Variants in CISTR observed in about 807,000 individuals in gnomAD.
The protein encoded by CISTR is chondrogenesis-associated transcript, also known as chondrogenic regulator lncRNA.
In CISTR at chr12:53,756,310, C is replaced by A. The variant is rs575097481; in HGVS notation, n.414+504G>T. 7.2e-5 allele frequency among the ~76,000 whole-genome samples: 11 copies of A among 152,136 alleles called. No homozygotes were observed. The highest frequency in any genetic ancestry group is 1.5e-4 in the Non-Finnish European group (10 of 68,016). ...GGAACTCCTTACAATCTCCCTCTTA[C>A]CTCCCCAAAGTAAGAGAACGGAGTA... On this transcript the variant is annotated intron_variant and non_coding_transcript_variant, in intron 1 of 2. Transcript: ENST00000669269. This position sits in a 1 kb window ranked among gnomAD's most constrained non-coding sequence, Gnocchi z 4.0.
exon 3 of CISTR, among the ~76,000 whole-genome samples, chr12:53,746,421 C>T (rs1448286374): frequency 6.6e-6 from 1 of 152,098 alleles, no homozygotes; most frequent in Non-Finnish European, 1.5e-5. Context: ...ACCAAGAAGT[C>T]GTGGGTTCTA....
chr12:53,746,539 G>A (rs1288851382), exon 3 of CISTR, among the ~76,000 whole-genome samples: 2 of 152,178 alleles, frequency 1.3e-5, no homozygotes, highest in Non-Finnish European at 2.9e-5. Flanking sequence ...TGTGCCAGCA[G>A]CCCCAGTGCT....
rs1040135855 is a variant in CISTR at position 53,756,454 on chromosome 12, G to A, written n.414+360C>T. 6.6e-6 allele frequency among the ~76,000 whole-genome samples: 1 copy of A among 152,174 alleles called. No individual in the cohort carries two copies. The highest frequency in any genetic ancestry group is 2.4e-5 in the African/African-American group (1 of 41,432). ...TATTTTAAATAGAGATGGGGGTCTT[G>A]CTATGTTGCTCAGGCTAGGCCTTGA... On this transcript the variant is annotated intron_variant and non_coding_transcript_variant, in intron 1 of 2. Coordinates refer to ENST00000669269, the Ensembl canonical transcript of CISTR. The surrounding 1 kb of genome is among the most constrained non-coding windows in gnomAD (Gnocchi z 4.0).
chr12:53,755,777 G>C (rs1487475515), intron 1 of CISTR: 1 of 152,390 alleles, frequency 6.6e-6, no homozygotes, highest in Non-Finnish European at 1.5e-5. Flanking sequence ...GGCCTCAGGT[G>C]GCGCTATAAA....
chr12:53,749,785 A>G (rs1464946475), intron 2 of CISTR, among the ~76,000 whole-genome samples: 3 of 152,174 alleles, frequency 2.0e-5, no homozygotes, highest in Non-Finnish European at 4.4e-5. Flanking sequence ...CCTAAGTGTT[A>G]GCAATCAAGG....
chr12:53,753,400 T>C (rs1452972358), intron 1 of CISTR, among the ~76,000 whole-genome samples: 2 of 151,358 alleles, frequency 1.3e-5, no homozygotes, highest in Non-Finnish European at 2.9e-5. Context: ...ATCAGTTGAG[T>C]TGGTCAGGAG....
At chr12:53,750,135 T>C (rs1394176308) in intron 2 of CISTR, among the ~76,000 whole-genome samples, 1 of 152,140 alleles carries the variant, frequency 6.6e-6, no homozygotes, top group Non-Finnish European at 1.5e-5. Flanking sequence ...TGTTTATAGG[T>C]GCAAAGTTAC....
intron 1 of CISTR, among the ~76,000 whole-genome samples, chr12:53,755,163 C>T (rs1937901047): frequency 6.6e-6 from 1 of 152,228 alleles, no homozygotes; most frequent in Non-Finnish European, 1.5e-5. Context: ...AATCATCTTC[C>T]TTCTGGAGTG....
At position 53,756,726 on chromosome 12, in the gene CISTR, A is replaced by ATGTGTGTGTGTCTG. The variant is rs1555168532; in HGVS notation, n.414+87_414+88insCAGACACACACACA. 2 of 132,302 alleles carry ATGTGTGTGTGTCTG rather than the reference A, an allele frequency of 1.5e-5. No individual in the cohort carries two copies. The highest frequency in any genetic ancestry group is 3.1e-5 in the Non-Finnish European group (2 of 63,646). The allele number at this position is 132,302 out of a possible 1,614,324, so 8.2% of individuals were successfully genotyped here. ...AGTCAGAGTGGGCTGTGGGTCAGTG[A>ATGTGTGTGTGTCTG]TGTGTGTGTGTGTGTGTGTGTGTGT... On this transcript the variant is annotated intron_variant and non_coding_transcript_variant, in intron 1 of 2. Transcript: ENST00000669269. This position sits in a 1 kb window ranked among gnomAD's most constrained non-coding sequence, Gnocchi z 4.0.
chr12:53,755,251 G>A (rs1221619726), intron 1 of CISTR, among the ~76,000 whole-genome samples: 1 of 151,944 alleles, frequency 6.6e-6, no homozygotes, highest in East Asian at 1.9e-4. Flanking sequence ...TCACCTGGAG[G>A]CCAATCCCCT....
At chr12:53,747,576 C>T (rs1286617950) in intron 2 of CISTR, among the ~76,000 whole-genome samples, 3 of 152,072 alleles carry the variant, frequency 2.0e-5, no homozygotes, top group Non-Finnish European at 2.9e-5. Context: ...GGATGCTTGG[C>T]AGGTGTAGCT....
chr12:53,747,740 G>C (rs1298084345), intron 2 of CISTR, among the ~76,000 whole-genome samples: 1 of 152,136 alleles, frequency 6.6e-6, no homozygotes, highest in Non-Finnish European at 1.5e-5. Context: ...ACTATGTACA[G>C]GGTAGGTCTA....
At chr12:53,755,047 G>C (rs1937900440) in intron 1 of CISTR, among the ~76,000 whole-genome samples, 1 of 152,238 alleles carries the variant, frequency 6.6e-6, no homozygotes, top group Non-Finnish European at 1.5e-5. Flanking sequence ...AGATAAAACA[G>C]GAGAGGGAGG....
intron 1 of CISTR, chr12:53,750,975 G>C (rs1259868548): frequency 6.6e-6 from 1 of 152,514 alleles, no homozygotes; most frequent in Non-Finnish European, 1.5e-5. Flanking sequence ...GCTACGGCGG[G>C]AGAAACAAGA....
intron 1 of CISTR, among the ~76,000 whole-genome samples, chr12:53,754,932 A>T (rs1212062620): frequency 1.3e-5 from 2 of 152,218 alleles, no homozygotes; most frequent in Admixed American, 1.3e-4. Flanking sequence ...CTCACATCCC[A>T]GAGAGCAAGA....
At position 53,756,233 on chromosome 12, in the gene CISTR, T is replaced by G. The variant is rs747914915; in HGVS notation, n.414+581A>C. Among the ~76,000 whole-genome samples the G allele has an allele frequency of 6.6e-6, 1 of 152,166 alleles. No homozygotes were observed. The highest frequency in any genetic ancestry group is 2.4e-5 in the African/African-American group (1 of 41,436). On this transcript the variant is annotated intron_variant and non_coding_transcript_variant, in intron 1 of 2. Coordinates refer to ENST00000669269, the Ensembl canonical transcript of CISTR. This position sits in a 1 kb window ranked among gnomAD's most constrained non-coding sequence, Gnocchi z 4.0. ...TGTACTCTTCTACCATCCCCTTTTC[T>G]GGCTCTCGAGGTAAGTTCTTTGGGG...
intron 2 of CISTR, among the ~76,000 whole-genome samples, chr12:53,748,299 G>GC (rs967293818): frequency 6.6e-5 from 10 of 151,878 alleles, no homozygotes; most frequent in South Asian, 2.1e-4. Context: ...CCGCGCCAGC[G>GC]CCCCCCCAAC....
Position 53,751,191 on chromosome 12 carries a change from A to G in CISTR, n.415-226T>C, listed in dbSNP as rs928632786. On this transcript the variant is annotated intron_variant and non_coding_transcript_variant, in intron 1 of 2. Coordinates refer to ENST00000669269, the Ensembl canonical transcript of CISTR. The surrounding 1 kb of genome is among the most constrained non-coding windows in gnomAD (Gnocchi z 4.6). Reference sequence around the variant, plus strand: ...CCGCACGCACAGGACACACACACACACTCTCTCCTGGCCTCCCTCCCGCCG... The same window carrying G: ...CCGCACGCACAGGACACACACACACGCTCTCTCCTGGCCTCCCTCCCGCCG... 6.6e-6 allele frequency among the ~76,000 whole-genome samples: 1 copy of G among 150,932 alleles called. No individual in the cohort carries two copies. The highest frequency in any genetic ancestry group is 1.5e-5 in the Non-Finnish European group (1 of 67,700).
chr12:53,751,264 T>G lies in CISTR; in HGVS notation n.415-299A>C, dbSNP rs1218923088. On this transcript the variant is annotated intron_variant and non_coding_transcript_variant, in intron 1 of 2. Coordinates refer to ENST00000669269, the Ensembl canonical transcript of CISTR. This position sits in a 1 kb window ranked among gnomAD's most constrained non-coding sequence, Gnocchi z 4.6. ...CCGGCCTTCCGCACCTCCCAACGCC[T>G]GCAGGGGTTGGGGGCGCTGGGGCTC... is the stretch of plus-strand genomic sequence containing the variant. 1.3e-5 allele frequency among the ~76,000 whole-genome samples: 2 copies of G among 152,036 alleles called. No individual in the cohort carries two copies. The highest frequency in any genetic ancestry group is 2.9e-5 in the Non-Finnish European group (2 of 67,998).
Sources: gnomAD v4.1 joint callset for allele counts (sites outside exome capture counted in the v4.1 genomes callset) on GRCh38, gnomAD v4.1.1 for gene constraint, Gnocchi (gnomAD v3.1) non-coding constraint, MANE v1.5 for transcripts, NCBI Gene and HGNC (gene_info 2026-07-23, HGNC 2026-07-21) for gene names.